Variants in ZNF551 observed in about 807,000 individuals in gnomAD.
ZNF551 encodes KOX 23 protein (56 AA).
ZNF551 carries 5 observed loss-of-function variants against 7.9 expected under a neutral mutation model. The ratio of observed to expected loss-of-function variants is 0.63; its 90% CI spans 0.33 to 1.33. The LOEUF is 1.33. Ranked by LOEUF, ZNF551 falls within the 40% of genes most tolerant of loss-of-function variation. The pLI is 0.05. For missense variants in ZNF551, 788 were observed against 825.2 expected (o/e 0.95, Z 0.55); for synonymous variants, 287 against 277.3 (o/e 1.03, Z -0.35).
chr19:57,686,805 T>C lies in ZNF551; in HGVS notation c.530T>C (p.Val177Ala). 6.2e-7 allele frequency: 1 copy of C among 1,614,226 alleles called. No individual in the cohort carries two copies. The highest frequency in any genetic ancestry group is 8.5e-7 in the Non-Finnish European group (1 of 1,180,040). The change falls in exon 3 of 3, where the codon GTG (valine) becomes GCG (alanine). Residue 177 changes from valine to alanine, a missense_variant. By Grantham distance (64) the Val-to-Ala change is moderately conservative (BLOSUM62 0). Coordinates refer to ENST00000282296, the MANE Select transcript of ZNF551 (RefSeq NM_138347.5). ...ATFVTGCRFH[V>A]LNYFTCGEAF... ...TTTGTGACCGGCTGCAGATTCCATG[T>C]GTTGAATTATTTCACCTGTGGGGAG...
rs938367787 is a variant in ZNF551, at chr19:57,690,546, T to C, written c.*2258T>C. On this transcript the variant is annotated 3_prime_UTR_variant, in exon 3 of 3. Transcript: ENST00000282296. Reference sequence around the variant, plus strand: ...TGAATCTTTGTATTGCTGAGTATCATGCTGTTCTATGGATAAGTCAGTGTT... The same window carrying C: ...TGAATCTTTGTATTGCTGAGTATCACGCTGTTCTATGGATAAGTCAGTGTT... 9.2e-5 allele frequency: 14 copies of C among 152,220 alleles called. No homozygotes were observed. The highest frequency in any genetic ancestry group is 3.4e-4 in the African/African-American group (14 of 41,454). 9.4% of individuals were successfully genotyped at this position (152,220 alleles called of 1,614,324 possible).
chr19:57,681,998 G>A lies in ZNF551; in HGVS notation c.-166G>A. The A allele has an allele frequency of 3.0e-6, 2 of 676,924 alleles. No individual in the cohort carries two copies. Among genetic ancestry groups the A allele is most frequent in the South Asian group, 2.0e-5 (1 of 49,758 alleles). The allele number at this position is 676,924 out of a possible 1,614,324, so 41.9% of individuals were successfully genotyped here. On this transcript the variant is annotated 5_prime_UTR_variant, in exon 1 of 3. The change creates a new upstream start codon in the 5' untranslated region. Coordinates refer to ENST00000282296, the MANE Select transcript of ZNF551 (RefSeq NM_138347.5). The stretch of plus-strand genomic sequence containing the variant: ...GGCCGGAACTTCCGGCGTCCTCCTC[G>A]TGGCGGTCATTTTGGCCTCTGTCCT...
At chr19:57,685,503 A>G in intron 2 of ZNF551, 118 bp downstream of exon 2, 1 of 1,495,888 alleles carries the variant, frequency 6.7e-7, no homozygotes, top group Non-Finnish European at 9.3e-7. Context: ...TCCCCCTGTC[A>G]GGATGACTGT....
At chr19:57,685,040 C>T (rs920803730) in intron 1 of ZNF551, among the ~76,000 whole-genome samples, 1 of 152,152 alleles carries the variant, frequency 6.6e-6, no homozygotes, top group Admixed American at 6.5e-5. Context: ...GCCTACCTGC[C>T]ATGCCCAGAG....
Position 57,687,086 on chromosome 19 carries a change from C to A in ZNF551, c.811C>A (p.Gln271Lys), listed in dbSNP as rs761272224. Residue 271 changes from glutamine to lysine, a missense_variant, in exon 3 of 3, where the codon CAA becomes AAA. Transcript: ENST00000282296. Reference protein sequence around the residue: ...TCKNTLVQHQQIHTGQKMFEC... With the variant: ...TCKNTLVQHQKIHTGQKMFEC... ...CAAGAACACACTTGTTCAGCACCAG[C>A]AAATTCACACTGGACAAAAGATGTT... 1.2e-6 allele frequency: 2 copies of A among 1,614,220 alleles called. No individual in the cohort carries two copies. Among genetic ancestry groups the A allele is most frequent in the Admixed American group, 3.3e-5 (2 of 60,024 alleles).
intron 1 of ZNF551, among the ~76,000 whole-genome samples, chr19:57,684,229 C>T (rs1404557749): frequency 1.3e-5 from 2 of 152,076 alleles, no homozygotes; most frequent in Non-Finnish European, 1.5e-5. Flanking sequence ...AGTACTGAAC[C>T]GTATTTGAAT....
rs1460779841 is a variant in ZNF551 at position 57,683,010 on chromosome 19, G to T, written c.81+766G>T. 4.6e-5 allele frequency among the ~76,000 whole-genome samples: 7 copies of T among 152,182 alleles called. No homozygotes were observed. The East Asian group carries it at 9.6e-4, about 21-fold the overall frequency. ...AATTATTTTCTTTTCATGAGAACAG[G>T]GAGCAGTGTAGTAGAAGTCAGACCC... is the stretch of plus-strand genomic sequence containing the variant. On this transcript the variant is annotated intron_variant, in intron 1 of 2. Transcript: ENST00000282296.
rs150859966 is a variant in ZNF551, at chr19:57,688,749, C to T, written c.*461C>T. On this transcript the variant is annotated 3_prime_UTR_variant, in exon 3 of 3. Coordinates refer to ENST00000282296, the MANE Select transcript of ZNF551 (RefSeq NM_138347.5). The stretch of plus-strand genomic sequence containing the variant: ...GGATTACTTTTTTAAGGAACATTGT[C>T]GGTCTCACATGATGCTTGTAATGAA... The T allele has an allele frequency of 2.0e-4, 33 of 161,838 alleles. No individual in the cohort carries two copies. The highest frequency in any genetic ancestry group is 7.4e-4 in the African/African-American group (31 of 41,718). The allele number at this position is 161,838 out of a possible 1,614,324, so 10.0% of individuals were successfully genotyped here.
At position 57,688,397 on chromosome 19, in the gene ZNF551, C is replaced by A. The variant is rs781773684; in HGVS notation, c.*109C>A. Reference sequence around the variant, plus strand: ...TGAGCACCCACAGTGGGGTATTCTTCATAAGTTTCAGGTATGTGGGAAGCT... The same window carrying A: ...TGAGCACCCACAGTGGGGTATTCTTAATAAGTTTCAGGTATGTGGGAAGCT... On this transcript the variant is annotated 3_prime_UTR_variant, in exon 3 of 3. Coordinates refer to ENST00000282296, the MANE Select transcript of ZNF551 (RefSeq NM_138347.5). 5.6e-6 allele frequency: 8 copies of A among 1,433,332 alleles called. No individual in the cohort carries two copies. Among genetic ancestry groups the A allele is most frequent in the Non-Finnish European group, 7.5e-6 (8 of 1,064,170 alleles). The allele number at this position is 1,433,332 out of a possible 1,614,324, so 88.8% of individuals were successfully genotyped here.
In ZNF551 at chr19:57,682,003, G is replaced by A. The variant is rs369320531; in HGVS notation, c.-161G>A. 2.7e-3 allele frequency: 1,870 copies of A among 695,008 alleles called. 39 individuals carry two copies. In the Middle Eastern group the frequency reaches 0.053, roughly 20 times the overall value. The allele number at this position is 695,008 out of a possible 1,614,324, so 43.1% of individuals were successfully genotyped here. ...GAACTTCCGGCGTCCTCCTCGTGGC[G>A]GTCATTTTGGCCTCTGTCCTGTTTG... On this transcript the variant is annotated 5_prime_UTR_variant, in exon 1 of 3. Coordinates refer to ENST00000282296, the MANE Select transcript of ZNF551 (RefSeq NM_138347.5).
In ZNF551 at chr19:57,686,388, C is replaced by T. The variant is rs1984552931; in HGVS notation, c.206-93C>T. ...CCGTTGTTCTCAGAACAGTTCCATGCACTCAGTTCTTGTGTCTCACACATT... is the reference window on the plus strand; with the variant it reads ...CCGTTGTTCTCAGAACAGTTCCATGTACTCAGTTCTTGTGTCTCACACATT... On this transcript the variant is annotated intron_variant, in intron 2 of 2. Transcript: ENST00000282296. 6 of 1,506,472 alleles carry T rather than the reference C, an allele frequency of 4.0e-6. No individual in the cohort carries two copies. In the Middle Eastern group the frequency reaches 6.6e-4, roughly 165 times the overall value. 93.3% of individuals were successfully genotyped at this position (1,506,472 alleles called of 1,614,324 possible). A position where few individuals can be genotyped will look rare whatever the true frequency, so the allele number is the denominator to read the frequency against.
intron 2 of ZNF551, 132 bp downstream of exon 2, chr19:57,685,517 C>A: frequency 7.1e-7 from 1 of 1,406,458 alleles, no homozygotes; most frequent in Non-Finnish European, 1.0e-6. Flanking sequence ...TGACTGTGTA[C>A]AGATTCATGG....
intron 1 of ZNF551, among the ~76,000 whole-genome samples, chr19:57,684,768 G>A (rs1424320150): frequency 3.3e-5 from 5 of 152,134 alleles, no homozygotes; most frequent in African/African-American, 7.2e-5. Flanking sequence ...TGACCTTTGA[G>A]GTTGTGGCTG....
chr19:57,687,149 T>A lies in ZNF551; in HGVS notation c.874T>A (p.Cys292Ser), dbSNP rs1327275366. The A allele has an allele frequency of 6.2e-7, 1 of 1,614,214 alleles. No homozygotes were observed. The highest frequency in any genetic ancestry group is 1.1e-5 in the South Asian group (1 of 91,078). ...ATGTGAGGAATCCTTTAGCAAAAAG[T>A]GCCACCTAATCTTACACAAGATAAT... ...SECEESFSKKCHLILHKIIHT... is the reference protein window; with the variant it reads ...SECEESFSKKSHLILHKIIHT... The change falls in exon 3 of 3, where the codon TGC becomes AGC. Residue 292 changes from cysteine (C) to serine (S), a missense_variant. By Grantham distance (112) the Cys-to-Ser change is moderately radical (BLOSUM62 -1). Transcript: ENST00000282296.
rs1249627906 is a variant in ZNF551 at position 57,687,695 on chromosome 19, C to T, written c.1420C>T (p.Pro474Ser). ...RHRSIHTGDR[P>S]YECSECEKSF... The stretch of plus-strand genomic sequence containing the variant: ...CCGCAGCATTCACACTGGTGATAGG[C>T]CTTATGAGTGCAGTGAATGTGAGAA... The change falls in exon 3 of 3, where the codon CCT (proline) becomes TCT (serine). Residue 474 changes from proline (P) to serine (S), a missense_variant. Pro to Ser is a moderately conservative substitution (Grantham distance 74, BLOSUM62 -1). Coordinates refer to ENST00000282296, the MANE Select transcript of ZNF551 (RefSeq NM_138347.5). The T allele has an allele frequency of 6.2e-7, 1 of 1,614,084 alleles. No homozygotes were observed. Among genetic ancestry groups the T allele is most frequent in the Non-Finnish European group, 8.5e-7 (1 of 1,180,028 alleles).
rs1026200943 is a variant in ZNF551, at chr19:57,686,823, G to A, written c.548G>A (p.Cys183Tyr). 2.5e-6 allele frequency: 4 copies of A among 1,614,106 alleles called. No homozygotes were observed. Among genetic ancestry groups the A allele is most frequent in the Non-Finnish European group, 2.5e-6 (3 of 1,180,046 alleles). The stretch of plus-strand genomic sequence containing the variant: ...TTCCATGTGTTGAATTATTTCACCT[G>A]TGGGGAGGCCTTCCCAGCCCCCACG... ...CRFHVLNYFT[C>Y]GEAFPAPTDL... The change falls in exon 3 of 3, where the codon TGT becomes TAT. Residue 183 changes from cysteine (C) to tyrosine (Y), a missense_variant. Transcript: ENST00000282296.
chr19:57,682,031 C>T lies in ZNF551; in HGVS notation c.-133C>T. On this transcript the variant is annotated 5_prime_UTR_variant, in exon 1 of 3. Transcript: ENST00000282296. ...CATTTTGGCCTCTGTCCTGTTTGTCCAGCCCGCCAGTTTCTGCAGTGGAGG... is the reference window on the plus strand; with the variant it reads ...CATTTTGGCCTCTGTCCTGTTTGTCTAGCCCGCCAGTTTCTGCAGTGGAGG... 3.1e-6 allele frequency: 3 copies of T among 974,446 alleles called. No individual in the cohort carries two copies. Among genetic ancestry groups the T allele is most frequent in the Non-Finnish European group, 4.5e-6 (3 of 662,842 alleles). 60.4% of individuals were successfully genotyped at this position (974,446 alleles called of 1,614,324 possible).
rs767102226 is a variant in ZNF551, at chr19:57,688,059, C to T, written c.1784C>T (p.Ser595Phe). The T allele has an allele frequency of 1.2e-6, 2 of 1,614,152 alleles. No homozygotes were observed. The highest frequency in any genetic ancestry group is 1.7e-6 in the Non-Finnish European group (2 of 1,180,030). ...RPYECSECGK[S>F]FSQSSSLIQH... Reference sequence around the variant, plus strand: ...TATGAATGTAGTGAATGTGGGAAATCCTTTAGCCAGAGCTCTAGCCTCATT... The same window carrying T: ...TATGAATGTAGTGAATGTGGGAAATTCTTTAGCCAGAGCTCTAGCCTCATT... The change falls in exon 3 of 3, where the codon TCC (serine) becomes TTC (phenylalanine). Residue 595 changes from serine to phenylalanine, a missense_variant. Physicochemically the swap from Ser to Phe is radical, Grantham distance 155. Coordinates refer to ENST00000282296, the MANE Select transcript of ZNF551 (RefSeq NM_138347.5).
At position 57,682,140 on chromosome 19, in the gene ZNF551, C is replaced by T; in HGVS notation, c.-24C>T. The T allele has an allele frequency of 1.3e-6, 2 of 1,539,526 alleles. No homozygotes were observed. Among genetic ancestry groups the T allele is most frequent in the Non-Finnish European group, 1.8e-6 (2 of 1,141,692 alleles). On this transcript the variant is annotated 5_prime_UTR_variant, in exon 1 of 3. Coordinates refer to ENST00000282296, the MANE Select transcript of ZNF551 (RefSeq NM_138347.5). ...CACCTCGGGTGAGCTGCGCCAGGCCCGGGATAGGGACTGTTGTGTTCGAAT... is the reference window on the plus strand; with the variant it reads ...CACCTCGGGTGAGCTGCGCCAGGCCTGGGATAGGGACTGTTGTGTTCGAAT...
Sources: allele counts gnomAD v4.1 joint callset (sites outside exome capture counted in the v4.1 genomes callset), GRCh38; gene constraint gnomAD v4.1.1; transcripts MANE v1.5; gene names NCBI Gene and HGNC (gene_info 2026-07-23, HGNC 2026-07-21).